The following ADK variants were observed in gnomAD, a reference collection of about 807,000 sequenced individuals.
ADK encodes the protein adenosine kinase.
A neutral mutation model predicts 44.7 loss-of-function variants in ADK; 24 were observed. The ratio of observed to expected loss-of-function variants is 0.54; its 90% CI spans 0.39 to 0.76. The LOEUF (loss-of-function observed/expected upper bound fraction) is 0.76, where lower values mean the gene tolerates loss of function less well. ADK is among the 30% of genes least tolerant of loss of function. ADK has a pLI of 0.00. For synonymous variants in ADK, 128 were observed against 142.6 expected (o/e 0.90, Z 0.73); for missense variants, 321 against 425.1 (o/e 0.76, Z 2.15).
chr10:74,559,204 T>G (rs1850370506), intron 7 of ADK, among the ~76,000 whole-genome samples: 1 of 152,194 alleles, frequency 6.6e-6, no homozygotes, highest in Admixed American at 6.5e-5. Flanking sequence ...TCCACTGACC[T>G]CCATTCCTTG....
At chr10:74,394,488 T>C (rs907362347) in intron 5 of ADK, among the ~76,000 whole-genome samples, 175 bp downstream of exon 5, 1 of 152,236 alleles carries the variant, frequency 6.6e-6, no homozygotes, top group Admixed American at 6.5e-5. Flanking sequence ...TTGTTAAACA[T>C]GCAGTTGAAT....
chr10:74,497,976 G>A (rs1052102069), intron 6 of ADK, among the ~76,000 whole-genome samples: 5 of 151,414 alleles, frequency 3.3e-5, no homozygotes, highest in East Asian at 1.9e-4. Context: ...TGCAAGCTCC[G>A]CCTCCCGGGT....
chr10:74,421,617 G>C (rs1446565923), intron 6 of ADK, among the ~76,000 whole-genome samples: 1 of 152,178 alleles, frequency 6.6e-6, no homozygotes, highest in Non-Finnish European at 1.5e-5. Context: ...CTCACATCCT[G>C]GTTTGTAAAT....
intron 3 of ADK, among the ~76,000 whole-genome samples, chr10:74,281,058 G>T (rs1591979966): frequency 1.3e-5 from 2 of 152,294 alleles, no homozygotes; most frequent in South Asian, 2.1e-4. Flanking sequence ...GAAACATTTT[G>T]TGAGCCGACA....
intron 6 of ADK, among the ~76,000 whole-genome samples, chr10:74,422,885 T>TGGC (rs1181313603): frequency 6.6e-6 from 1 of 152,116 alleles, no homozygotes; most frequent in Non-Finnish European, 1.5e-5. Context: ...AATAATGCTG[T>TGGC]GGCAATTCTA....
chr10:74,503,974 C>T (rs1244822497), intron 6 of ADK, among the ~76,000 whole-genome samples: 1 of 152,176 alleles, frequency 6.6e-6, no homozygotes, highest in Admixed American at 6.5e-5. Flanking sequence ...TACGCTACCT[C>T]ATACAGAATA....
At chr10:74,226,938 G>A (rs1207861581) in intron 3 of ADK, among the ~76,000 whole-genome samples, 10 of 152,032 alleles carry the variant, frequency 6.6e-5, no homozygotes. Context: ...ACTTTCAGTT[G>A]AATATGGCAC....
chr10:74,273,523 T>TCTTG (rs1846527429), intron 3 of ADK, among the ~76,000 whole-genome samples: 1 of 152,054 alleles, frequency 6.6e-6, no homozygotes, highest in South Asian at 2.1e-4. Flanking sequence ...GATGGCATGA[T>TCTTG]CTTGGCTCAC....
intron 7 of ADK, among the ~76,000 whole-genome samples, chr10:74,564,909 T>G (rs1850596363): frequency 6.6e-6 from 1 of 152,088 alleles, no homozygotes; most frequent in Non-Finnish European, 1.5e-5. Context: ...TTGTCCACTG[T>G]TAAACCACAT....
intron 10 of ADK, among the ~76,000 whole-genome samples, chr10:74,677,534 C>G (rs1855435276): frequency 6.6e-6 from 1 of 152,134 alleles, no homozygotes; most frequent in Non-Finnish European, 1.5e-5. Flanking sequence ...TTTGTTTTTT[C>G]TACACTACCC....
At chr10:74,312,687 G>A (rs148238461) in intron 3 of ADK, among the ~76,000 whole-genome samples, 31 of 150,130 alleles carry the variant, frequency 2.1e-4, no homozygotes, top group Admixed American at 1.9e-3. Context: ...TGGGAGGATC[G>A]CCTGAGCTCA....
intron 6 of ADK, among the ~76,000 whole-genome samples, chr10:74,429,587 AAT>A (rs1208882060): frequency 9.2e-5 from 14 of 152,190 alleles, no homozygotes; most frequent in Non-Finnish European, 2.1e-4. Context: ...AGTTAGGTAT[AAT>A]ATTAATAGAC....
In ADK at chr10:74,600,408, G is replaced by C. The variant is rs770932896; in HGVS notation, c.792G>C (p.Lys264Asn). 3.1e-6 allele frequency: 5 copies of C among 1,610,534 alleles called. No homozygotes were observed. The East Asian group carries it at 1.1e-4, about 36-fold the overall frequency. The change falls in exon 9 of 11, where the codon AAG becomes AAC. Residue 264 changes from lysine to asparagine, a missense_variant. Coordinates refer to ENST00000539909, the MANE Select transcript of ADK (RefSeq NM_006721.4). ...AAGACATTAAAGAGATAGCCAAAAA[G>C]ACACAAGCCCTGCCAAAGATGAACT... The part of the protein sequence containing the change: ...ETKDIKEIAK[K>N]TQALPKMNSK...
chr10:74,695,462 GTA>G (rs202094500), intron 10 of ADK, among the ~76,000 whole-genome samples: 48 of 141,464 alleles, frequency 3.4e-4, no homozygotes, highest in East Asian at 1.9e-3. Flanking sequence ...TGTTGCTCTT[GTA>G]TATATATATG....
chr10:74,303,225 A>C (rs1840120204), intron 3 of ADK, among the ~76,000 whole-genome samples: 1 of 152,220 alleles, frequency 6.6e-6, no homozygotes, highest in African/African-American at 2.4e-5. Context: ...AGTTGTTAAT[A>C]TCTCAGTAAA....
At chr10:74,181,779 T>C (rs1247889217) in intron 1 of ADK, among the ~76,000 whole-genome samples, 2 of 152,216 alleles carry the variant, frequency 1.3e-5, no homozygotes, top group African/African-American at 4.8e-5. Flanking sequence ...TATTGCCTTG[T>C]TTTCCTAACA....
intron 9 of ADK, among the ~76,000 whole-genome samples, chr10:74,643,177 G>A (rs1439715837): frequency 6.6e-6 from 1 of 151,940 alleles, no homozygotes; most frequent in Non-Finnish European, 1.5e-5. Flanking sequence ...AGGGACAGAG[G>A]GGTCATCTTA....
At chr10:74,280,205 C>T (rs1209175762) in intron 3 of ADK, among the ~76,000 whole-genome samples, 2 of 151,986 alleles carry the variant, frequency 1.3e-5, no homozygotes, top group Non-Finnish European at 2.9e-5. Context: ...CTTCCTCAAG[C>T]GATTCTCCTG....
chr10:74,654,276 G>A (rs1458835471), intron 9 of ADK, among the ~76,000 whole-genome samples: 1 of 152,154 alleles, frequency 6.6e-6, no homozygotes, highest in Non-Finnish European at 1.5e-5. Context: ...TTGGGACCAG[G>A]CCGCTAAAAA....
Sources: gnomAD v4.1 joint callset for allele counts (sites outside exome capture counted in the v4.1 genomes callset) on GRCh38, gnomAD v4.1.1 for gene constraint, MANE v1.5 for transcripts, NCBI Gene and HGNC (gene_info 2026-07-23, HGNC 2026-07-21) for gene names.